The following LRRTM3 variants were observed in gnomAD, a reference collection of about 807,000 sequenced individuals.
LRRTM3 encodes leucine rich repeat transmembrane neuronal 3.
In LRRTM3, 24 loss-of-function variants were observed where a neutral mutation model predicts 44.7. That is an observed-to-expected ratio of 0.54 (90% CI 0.39 to 0.76). The LOEUF is 0.76. LRRTM3 is among the 30% of genes least tolerant of loss of function. The probability of loss-of-function intolerance (pLI) is 0.00; values close to 1 mark genes in which losing one functional copy is unlikely to be tolerated. For synonymous variants in LRRTM3, 277 were observed against 278.7 expected (o/e 0.99, Z 0.06); for missense variants, 587 against 702.2 (o/e 0.84, Z 1.85).
chr10:67,098,775 T>C lies in LRRTM3; in HGVS notation c.*979T>C, dbSNP rs1858161859. ...TTATTTTCAGGCCAAGGTGGGAGTA[T>C]AGTGCATAATAATTGTACAGTAGCA... On this transcript the variant is annotated 3_prime_UTR_variant, in exon 3 of 3. Transcript: ENST00000361320. The C allele has an allele frequency of 6.6e-6, 1 of 152,028 alleles. No individual in the cohort carries two copies. Among genetic ancestry groups the C allele is most frequent in the African/African-American group, 2.4e-5 (1 of 41,390 alleles). 9.4% of individuals were successfully genotyped at this position (152,028 alleles called of 1,614,324 possible).
intron 2 of LRRTM3, among the ~76,000 whole-genome samples, chr10:67,096,852 AT>A (rs1186174950): frequency 6.6e-6 from 1 of 151,816 alleles, no homozygotes; most frequent in Non-Finnish European, 1.5e-5. Context: ...GGAACCATAG[AT>A]TTTTCCTGGG....
chr10:66,971,375 G>A (rs530175068), intron 2 of LRRTM3, among the ~76,000 whole-genome samples: 6 of 152,018 alleles, frequency 3.9e-5, no homozygotes, highest in Non-Finnish European at 8.8e-5. Flanking sequence ...GCAGTGAGCC[G>A]AGATCGTGCC....
chr10:66,978,972 T>G (rs1374990334), intron 2 of LRRTM3, among the ~76,000 whole-genome samples: 1 of 141,764 alleles, frequency 7.1e-6, no homozygotes, highest in African/African-American at 2.6e-5. Flanking sequence ...TTTTTTTTTT[T>G]TTTTTTTTTT....
chr10:66,955,664 A>T (rs1449829429), intron 2 of LRRTM3, among the ~76,000 whole-genome samples: 3 of 152,182 alleles, frequency 2.0e-5, no homozygotes, highest in Middle Eastern at 3.2e-3. Flanking sequence ...ATTAGAATTT[A>T]TAAGAGCAAG....
intron 2 of LRRTM3, among the ~76,000 whole-genome samples, chr10:66,985,256 T>C (rs570027874): frequency 8.3e-4 from 127 of 152,346 alleles, no homozygotes; most frequent in Non-Finnish European, 1.5e-3. Context: ...ATAGTGATTA[T>C]TTATTGTTAT....
intron 2 of LRRTM3, among the ~76,000 whole-genome samples, chr10:67,094,573 C>T (rs1413476720): frequency 6.6e-6 from 1 of 151,634 alleles, no homozygotes; most frequent in East Asian, 1.9e-4. Flanking sequence ...AGCATGGTGC[C>T]TCATATATCA....
In LRRTM3 at chr10:67,096,750, C is replaced by T. The variant is rs144195161; in HGVS notation, c.1537-837C>T. On this transcript the variant is annotated intron_variant, in intron 2 of 2. Transcript: ENST00000361320. ...CTTTTTCCCTCACTTTTAGAACTTG[C>T]TTTCTTTAGTTGGCAAGGGAGTCCC... Among the ~76,000 whole-genome samples, 8 of 151,910 alleles carry T rather than the reference C, an allele frequency of 5.3e-5. No individual in the cohort carries two copies. In the East Asian group the frequency reaches 1.4e-3, roughly 26 times the overall value.
At chr10:66,932,488 T>A (rs1847459315) in intron 2 of LRRTM3, among the ~76,000 whole-genome samples, 2 of 152,144 alleles carry the variant, frequency 1.3e-5, no homozygotes, top group South Asian at 4.1e-4. Flanking sequence ...TTGCTCTGGA[T>A]TCTCATTAGA....
At chr10:66,974,217 T>C (rs575525842) in intron 2 of LRRTM3, among the ~76,000 whole-genome samples, 2 of 152,324 alleles carry the variant, frequency 1.3e-5, no homozygotes, top group South Asian at 4.1e-4. Context: ...TGCTTTCTTT[T>C]GCTCATTACA....
chr10:66,985,787 C>T (rs973887444), intron 2 of LRRTM3, among the ~76,000 whole-genome samples: 2 of 152,068 alleles, frequency 1.3e-5, no homozygotes, highest in African/African-American at 4.8e-5. Flanking sequence ...GAGTGCAGTA[C>T]CATGATCTCA....
At chr10:67,073,599 CAG>C (rs2131855120) in intron 2 of LRRTM3, among the ~76,000 whole-genome samples, 1 of 149,590 alleles carries the variant, frequency 6.7e-6, no homozygotes, top group South Asian at 2.1e-4. Flanking sequence ...ATTAAAAAAA[CAG>C]AGATACAAAA....
intron 2 of LRRTM3, among the ~76,000 whole-genome samples, chr10:67,022,560 T>A (rs1340762431): frequency 2.0e-5 from 3 of 152,164 alleles, no homozygotes; most frequent in Admixed American, 6.5e-5. Flanking sequence ...AAAAAGTGAA[T>A]TTAGTAAGGT....
chr10:66,927,720 C>T lies in LRRTM3; in HGVS notation c.804C>T (p.Phe268=). ...TATCAGGCAATGAGATCGAAGCTTT[C>T]AGTGGACCCAGTGTTTTCCAGTGTG... ...LDLSGNEIEA[F]SGPSVFQCVP... The change falls in exon 2 of 3, where the codon TTC becomes TTT. Residue 268 remains phenylalanine, a synonymous_variant. Coordinates refer to ENST00000361320, the MANE Select transcript of LRRTM3 (RefSeq NM_178011.5). This position sits in a 1 kb window ranked among gnomAD's most constrained non-coding sequence, Gnocchi z 4.7. The T allele has an allele frequency of 6.2e-7, 1 of 1,614,196 alleles. No homozygotes were observed. The highest frequency in any genetic ancestry group is 8.5e-7 in the Non-Finnish European group (1 of 1,180,032).
chr10:66,963,204 G>T (rs1197482029), intron 2 of LRRTM3, among the ~76,000 whole-genome samples: 1 of 152,182 alleles, frequency 6.6e-6, no homozygotes, highest in Non-Finnish European at 1.5e-5. Context: ...ACAACCACAT[G>T]GGACAGTGCA....
At chr10:67,018,728 C>T (rs1440723178) in intron 2 of LRRTM3, among the ~76,000 whole-genome samples, 6 of 152,144 alleles carry the variant, frequency 3.9e-5, no homozygotes, top group Admixed American at 3.9e-4. Flanking sequence ...ATGAGAATGA[C>T]ATTAATTAAG....
chr10:66,970,502 T>TGGGGG (rs11367465), intron 2 of LRRTM3, among the ~76,000 whole-genome samples: 61 of 138,566 alleles, frequency 4.4e-4, no homozygotes, highest in South Asian at 2.3e-3. Context: ...TATTCTTGGG[T>TGGGGG]GGGGGGGGGA....
intron 2 of LRRTM3, among the ~76,000 whole-genome samples, chr10:66,989,511 A>T (rs1485336410): frequency 1.3e-5 from 2 of 152,192 alleles, no homozygotes; most frequent in African/African-American, 4.8e-5. Context: ...TTTGATTGTT[A>T]TATATGTTTG....
intron 2 of LRRTM3, among the ~76,000 whole-genome samples, chr10:66,960,019 T>A (rs1259642975): frequency 2.6e-5 from 4 of 152,114 alleles, no homozygotes; most frequent in Non-Finnish European, 4.4e-5. Context: ...CTTTCAGAAG[T>A]CTCTTCAAGC....
At chr10:66,949,570 A>ATT (rs1848435287) in intron 2 of LRRTM3, among the ~76,000 whole-genome samples, 1 of 152,150 alleles carries the variant, frequency 6.6e-6, no homozygotes, top group African/African-American at 2.4e-5. Flanking sequence ...AAATAAAAAA[A>ATT]AAAAAAAGTC....
Sources: gnomAD v4.1 joint callset for allele counts (sites outside exome capture counted in the v4.1 genomes callset) on GRCh38, gnomAD v4.1.1 for gene constraint, Gnocchi (gnomAD v3.1) non-coding constraint, MANE v1.5 for transcripts, NCBI Gene and HGNC (gene_info 2026-07-23, HGNC 2026-07-21) for gene names.